Variants in SRBD1 observed in about 807,000 individuals in gnomAD.
SRBD1 encodes the protein S1 RNA binding domain 1.
In SRBD1, 88 loss-of-function variants were observed where a neutral mutation model predicts 115.3. That is an observed-to-expected ratio of 0.76 (90% CI 0.64 to 0.91). SRBD1 has a LOEUF of 0.91. Ranked by LOEUF, SRBD1 falls within the 40% of genes least tolerant of loss-of-function variation. The pLI, the probability that SRBD1 is intolerant of heterozygous loss-of-function variation, is 0.00. For missense variants in SRBD1, 1,385 were observed against 1,177.4 expected, an observed-to-expected ratio of 1.18 and a Z score of -2.58; for synonymous variants, 509 against 407.7, an observed-to-expected ratio of 1.25 and a Z score of -2.99.
chr2:45,604,641 T>G (rs1342352102), intron 2 of SRBD1, among the ~76,000 whole-genome samples: 1 of 152,128 alleles, frequency 6.6e-6, no homozygotes, highest in East Asian at 1.9e-4. Context: ...CTTTCTCTAT[T>G]TGGAACACCC....
chr2:45,508,043 G>T (rs932050770), intron 14 of SRBD1, among the ~76,000 whole-genome samples: 1 of 152,100 alleles, frequency 6.6e-6, no homozygotes, highest in South Asian at 2.1e-4. Flanking sequence ...CTTAAAGCCT[G>T]ACCGATAGAT....
At chr2:45,537,069 G>A (rs1218478056) in intron 14 of SRBD1, among the ~76,000 whole-genome samples, 1 of 152,064 alleles carries the variant, frequency 6.6e-6, no homozygotes, top group South Asian at 2.1e-4. Context: ...TGGTTAAGAC[G>A]CACTAAATGG....
chr2:45,422,232 G>A (rs1463375954), intron 16 of SRBD1, among the ~76,000 whole-genome samples: 1 of 152,200 alleles, frequency 6.6e-6, no homozygotes, highest in African/African-American at 2.4e-5. Flanking sequence ...AAATGAGTAA[G>A]CGACAGTCTC....
intron 19 of SRBD1, among the ~76,000 whole-genome samples, chr2:45,411,053 G>A (rs993729940): frequency 1.3e-5 from 2 of 152,194 alleles, no homozygotes; most frequent in Admixed American, 1.3e-4. Flanking sequence ...TAGGAATCCT[G>A]AAGTTACAGG....
At chr2:45,550,229 G>A (rs945284782) in intron 12 of SRBD1, among the ~76,000 whole-genome samples, 1 of 151,998 alleles carries the variant, frequency 6.6e-6, no homozygotes, top group Non-Finnish European at 1.5e-5. Flanking sequence ...ACAAAAAGGA[G>A]AGAAGAAACT....
rs3223332 is a variant in SRBD1 at position 45,596,929 on chromosome 2, A to AACACACACAC, written c.648+2510_648+2519dup. On this transcript the variant is annotated intron_variant, in intron 4 of 20. Coordinates refer to ENST00000263736, the MANE Select transcript of SRBD1 (RefSeq NM_018079.5). ...TCAGAGAACACCCCCCCACAACCCT[A>AACACACACAC]ACACACACACACACACACACACCCA... Among the ~76,000 whole-genome samples the AACACACACAC allele has an allele frequency of 2.9e-4, 42 of 143,224 alleles. 1 individual carries two copies. The highest frequency in any genetic ancestry group is 4.0e-4 in the Non-Finnish European group (26 of 65,754). The allele number at this position is 143,224 out of a possible 152,430, so 94.0% of individuals were successfully genotyped here. A position where few individuals can be genotyped will look rare whatever the true frequency, so the allele number is the denominator to read the frequency against.
At chr2:45,534,798 A>G (rs112158739) in intron 14 of SRBD1, among the ~76,000 whole-genome samples, 2 of 151,962 alleles carry the variant, frequency 1.3e-5, no homozygotes, top group African/African-American at 4.8e-5. Context: ...ATAGATCTTA[A>G]GTTATATAGC....
chr2:45,440,504 C>T (rs963851914), intron 16 of SRBD1, among the ~76,000 whole-genome samples: 1 of 152,176 alleles, frequency 6.6e-6, no homozygotes, highest in Non-Finnish European at 1.5e-5. Context: ...AACTGGACCA[C>T]ACCTATCTGC....
At chr2:45,413,905 T>A (rs898736779) in intron 18 of SRBD1, among the ~76,000 whole-genome samples, 2 of 151,644 alleles carry the variant, frequency 1.3e-5, no homozygotes, top group African/African-American at 4.8e-5. Flanking sequence ...GCACTCCAGT[T>A]TGGGCAACAG....
intron 16 of SRBD1, among the ~76,000 whole-genome samples, chr2:45,421,325 G>A (rs536071802): frequency 5.9e-5 from 9 of 151,860 alleles, no homozygotes; most frequent in Admixed American, 5.2e-4. Flanking sequence ...GGCTAACACG[G>A]TGAAACCCTG....
In SRBD1 at chr2:45,418,373, C is replaced by A. The variant is rs2276655; in HGVS notation, c.2325G>T (p.Thr775=). The A allele has an allele frequency of 1.9e-6, 3 of 1,612,686 alleles. No individual in the cohort carries two copies. The South Asian group carries it at 3.3e-5, about 18-fold the overall frequency. The part of the protein sequence containing the change: ...FIRINQDYIR[T]FCSQQTETSG... ...TGTATACTTATACTCACCTGCAAAA[C>A]GTTCGGATATAATCCTGGTTGATTC... is the stretch of plus-strand genomic sequence containing the variant. Residue 775 remains threonine (T), a synonymous_variant, in exon 18 of 21, where the codon ACG becomes ACT. Transcript: ENST00000263736.
In SRBD1 at chr2:45,389,101, A is replaced by C. The variant is rs1352587843; in HGVS notation, c.*209T>G. On this transcript the variant is annotated 3_prime_UTR_variant, in exon 21 of 21. Coordinates refer to ENST00000263736, the MANE Select transcript of SRBD1 (RefSeq NM_018079.5). ...TACATAAAGCCATATAAGAATGTGTATTAGTTGTTTCCTTTAAGGGAAAAG... is the reference window on the plus strand; with the variant it reads ...TACATAAAGCCATATAAGAATGTGTCTTAGTTGTTTCCTTTAAGGGAAAAG... The C allele has an allele frequency of 3.3e-6, 2 of 612,512 alleles. No individual in the cohort carries two copies. The highest frequency in any genetic ancestry group is 5.5e-6 in the Non-Finnish European group (2 of 363,622). The allele number at this position is 612,512 out of a possible 1,614,324, so 37.9% of individuals were successfully genotyped here.
intron 16 of SRBD1, among the ~76,000 whole-genome samples, chr2:45,423,188 TA>T (rs375405725): frequency 7.8e-4 from 119 of 152,244 alleles, no homozygotes; most frequent in African/African-American, 2.8e-3. Flanking sequence ...ACTTCAAACT[TA>T]AAAAACAAAA....
chr2:45,507,270 G>C (rs756294380), intron 14 of SRBD1, among the ~76,000 whole-genome samples: 1 of 152,042 alleles, frequency 6.6e-6, no homozygotes, highest in Non-Finnish European at 1.5e-5. Context: ...ATTAACAGTG[G>C]TCAGTTTTTT....
chr2:45,485,305 C>G (rs1033533398), intron 15 of SRBD1, among the ~76,000 whole-genome samples: 1 of 152,178 alleles, frequency 6.6e-6, no homozygotes, highest in African/African-American at 2.4e-5. Context: ...ATTCAATGTT[C>G]TCAAGTTGAC....
intron 14 of SRBD1, among the ~76,000 whole-genome samples, chr2:45,519,733 T>A (rs1008917195): frequency 6.6e-6 from 1 of 152,188 alleles, no homozygotes; most frequent in Non-Finnish European, 1.5e-5. Context: ...TTTCAAGAAA[T>A]CTTTGATGCT....
chr2:45,419,670 C>G, intron 17 of SRBD1, 118 bp downstream of exon 17: 1 of 769,732 alleles, frequency 1.3e-6, no homozygotes, highest in Non-Finnish European at 2.3e-6. Flanking sequence ...ATGTATAAAC[C>G]CATAGACGTT....
intron 2 of SRBD1, among the ~76,000 whole-genome samples, chr2:45,604,019 T>C (rs1010118698): frequency 7.2e-5 from 11 of 152,128 alleles, no homozygotes; most frequent in African/African-American, 2.2e-4. Context: ...CATTCTTTCA[T>C]ACCCCAAATC....
chr2:45,474,866 G>A (rs1337023559), intron 16 of SRBD1, among the ~76,000 whole-genome samples: 1 of 151,984 alleles, frequency 6.6e-6, no homozygotes, highest in Non-Finnish European at 1.5e-5. Flanking sequence ...ATTTATATAG[G>A]TACACATGTA....
Sources: gnomAD v4.1 joint callset for allele counts (sites outside exome capture counted in the v4.1 genomes callset) on GRCh38, gnomAD v4.1.1 for gene constraint, MANE v1.5 for transcripts, NCBI Gene and HGNC (gene_info 2026-07-23, HGNC 2026-07-21) for gene names.